PITPNC1: variants seen among roughly 807,000 people sequenced by gnomAD.
PITPNC1 encodes the protein cytoplasmic phosphatidylinositol transfer protein 1.
Under a neutral mutation model 44.7 loss-of-function variants are expected in PITPNC1, and 18 were observed. The ratio of observed to expected loss-of-function variants is 0.40; its 90% confidence interval spans 0.28 to 0.60. PITPNC1 has a LOEUF of 0.60. Ranked by LOEUF, PITPNC1 falls within the 20% of genes least tolerant of loss-of-function variation. PITPNC1 has a pLI of 0.39. For missense variants in PITPNC1, 290 were observed against 418.4 expected, an observed-to-expected ratio of 0.69 and a Z score of 2.68; for synonymous variants, 141 against 149.6, an observed-to-expected ratio of 0.94 and a Z score of 0.42.
chr17:67,443,114 C>T (rs1427434129), intron 1 of PITPNC1, among the ~76,000 whole-genome samples: 1 of 151,982 alleles, frequency 6.6e-6, no homozygotes, highest in Non-Finnish European at 1.5e-5. Flanking sequence ...GGCGTTGAAG[C>T]CCCTTTACAA....
At chr17:67,478,906 T>C (rs1479592666) in intron 1 of PITPNC1, among the ~76,000 whole-genome samples, 1 of 151,570 alleles carries the variant, frequency 6.6e-6, no homozygotes, top group African/African-American at 2.4e-5. Context: ...TTTTAATATA[T>C]ATATATTTCT....
intron 1 of PITPNC1, among the ~76,000 whole-genome samples, chr17:67,392,964 C>T (rs527986042): frequency 6.6e-6 from 1 of 152,092 alleles, no homozygotes; most frequent in South Asian, 2.1e-4. Flanking sequence ...CCCATCTCTA[C>T]TAAAAATACA....
In PITPNC1 at chr17:67,687,037, G is replaced by A. The variant is rs142430504; in HGVS notation, c.683-5535G>A. On this transcript the variant is annotated intron_variant, in intron 8 of 8. Coordinates refer to ENST00000581322, the MANE Select transcript of PITPNC1 (RefSeq NM_012417.4). ...CATTGAAAGTTTGCATCTAATAACG[G>A]AAGTTGCCAACATCTTGACCTCTTT... is the stretch of plus-strand genomic sequence containing the variant. 4,326 of 1,271,926 alleles carry A rather than the reference G, an allele frequency of 3.4e-3. 12 individuals are homozygous for A. The highest frequency in any genetic ancestry group is 3.8e-3 in the Non-Finnish European group (3,302 of 868,414). 78.8% of individuals were successfully genotyped at this position (1,271,926 alleles called of 1,614,324 possible). A position where few individuals can be genotyped will look rare whatever the true frequency, so the allele number is the denominator to read the frequency against.
intron 1 of PITPNC1, among the ~76,000 whole-genome samples, chr17:67,398,537 C>T (rs1269460321): frequency 6.6e-6 from 1 of 152,022 alleles, no homozygotes; most frequent in Non-Finnish European, 1.5e-5. Context: ...TGGGCCCTTC[C>T]TGTTGACCAG....
At chr17:67,590,694 G>A (rs1278310039) in intron 5 of PITPNC1, among the ~76,000 whole-genome samples, 2 of 152,188 alleles carry the variant, frequency 1.3e-5, no homozygotes, top group Non-Finnish European at 2.9e-5. Context: ...CAGGCACAGT[G>A]GCTCACACCT....
intron 1 of PITPNC1, among the ~76,000 whole-genome samples, chr17:67,495,108 G>C (rs1402634944): frequency 8.0e-6 from 1 of 124,958 alleles, no homozygotes; most frequent in African/African-American, 3.0e-5. Flanking sequence ...CCAGGCTGGA[G>C]TGCAGTGGCG....
rs181550815 is a variant in PITPNC1, at chr17:67,614,399, G to A, written c.367-17744G>A. On this transcript the variant is annotated intron_variant, in intron 5 of 8. Coordinates refer to ENST00000581322, the MANE Select transcript of PITPNC1 (RefSeq NM_012417.4). ...GTTATTAAAAAAATTGGCCAGGCAC[G>A]GTGGTTCACGCCTATAATCCCAGCA... 1.8e-4 allele frequency among the ~76,000 whole-genome samples: 28 copies of A among 152,118 alleles called. 2 individuals carry two copies. Among genetic ancestry groups the A allele is most frequent in the Admixed American group, 1.2e-3 (19 of 15,266 alleles).
At chr17:67,552,053 CT>C (rs2040771348) in intron 2 of PITPNC1, among the ~76,000 whole-genome samples, 1 of 152,172 alleles carries the variant, frequency 6.6e-6, no homozygotes, top group Non-Finnish European at 1.5e-5. Flanking sequence ...AGCCTTCTGT[CT>C]TTACACATTT....
At chr17:67,405,222 G>T (rs1045342793) in intron 1 of PITPNC1, among the ~76,000 whole-genome samples, 2 of 151,866 alleles carry the variant, frequency 1.3e-5, no homozygotes, top group African/African-American at 4.8e-5. Context: ...ATTCCAGCCT[G>T]GGCAACAGAG....
chr17:67,687,801 C>T (rs1031960055), intron 8 of PITPNC1, among the ~76,000 whole-genome samples: 2 of 152,026 alleles, frequency 1.3e-5, no homozygotes, highest in African/African-American at 2.4e-5. Context: ...TAGAGAGCCT[C>T]AGTTATTTCG....
At chr17:67,663,274 A>C (rs76388330) in intron 6 of PITPNC1, among the ~76,000 whole-genome samples, 13,848 of 152,178 alleles carry the variant, frequency 0.091, 644 homozygotes, top group Middle Eastern at 0.17. Flanking sequence ...GTGGTGTTAA[A>C]AGTTGAAGCA....
At chr17:67,621,031 G>T (rs2041821875) in intron 5 of PITPNC1, among the ~76,000 whole-genome samples, 1 of 151,878 alleles carries the variant, frequency 6.6e-6, no homozygotes, top group African/African-American at 2.4e-5. Context: ...ACGATGTGGG[G>T]TTGGATTCTT....
chr17:67,638,722 G>T (rs1221797296), intron 6 of PITPNC1: 1 of 152,072 alleles, frequency 6.6e-6, no homozygotes, highest in Non-Finnish European at 1.5e-5. Context: ...TGTCCCTCAG[G>T]GCCATCTGGC....
At chr17:67,618,665 T>G (rs1302399425) in intron 5 of PITPNC1, among the ~76,000 whole-genome samples, 1 of 151,808 alleles carries the variant, frequency 6.6e-6, no homozygotes, top group African/African-American at 2.4e-5. Context: ...GGCAGGAGAA[T>G]CACTTGAACC....
At chr17:67,615,377 C>T (rs1249884634) in intron 5 of PITPNC1, among the ~76,000 whole-genome samples, 1 of 152,180 alleles carries the variant, frequency 6.6e-6, no homozygotes, top group African/African-American at 2.4e-5. Context: ...GACACAAGCC[C>T]CTAAGTACCT....
chr17:67,509,557 T>TAAAAAA (rs968819063), intron 1 of PITPNC1, among the ~76,000 whole-genome samples: 2 of 135,104 alleles, frequency 1.5e-5, no homozygotes, highest in African/African-American at 5.7e-5. Context: ...TAAATTGAAT[T>TAAAAAA]AAAAATAAAT....
intron 4 of PITPNC1, among the ~76,000 whole-genome samples, chr17:67,564,198 TGGATGA>T (rs1382343508): frequency 6.6e-6 from 1 of 151,448 alleles, no homozygotes; most frequent in Non-Finnish European, 1.5e-5. Flanking sequence ...GATGGATGGA[TGGATGA>T]GAGGGGATTT....
chr17:67,691,012 A>G (rs1271992833), intron 8 of PITPNC1, among the ~76,000 whole-genome samples: 1 of 152,140 alleles, frequency 6.6e-6, no homozygotes, highest in Non-Finnish European at 1.5e-5. Context: ...CTGAGGCAGG[A>G]GAATTACTTG....
In PITPNC1 at chr17:67,675,010, C is replaced by CAA. The variant is rs11372163; in HGVS notation, c.619-452_619-451dup. 5.3e-5 allele frequency among the ~76,000 whole-genome samples: 6 copies of CAA among 114,078 alleles called. No homozygotes were observed. The East Asian group carries it at 7.5e-4, about 14-fold the overall frequency. 74.8% of individuals were successfully genotyped at this position (114,078 alleles called of 152,430 possible). On this transcript the variant is annotated intron_variant, in intron 7 of 8. Transcript: ENST00000581322. ...TTGGCGACAGAGTAAGACTCTGTCT[C>CAA]AAAAAAAAAAAAAAAAAAGTGACTT...
Sources: gnomAD v4.1 joint callset for allele counts (sites outside exome capture counted in the v4.1 genomes callset) on GRCh38, gnomAD v4.1.1 for gene constraint, MANE v1.5 for transcripts, NCBI Gene and HGNC (gene_info 2026-07-23, HGNC 2026-07-21) for gene names.